Variants in SRBD1 observed in about 807,000 individuals in gnomAD.
SRBD1 encodes S1 RNA-binding domain-containing protein 1.
A neutral mutation model predicts 115.3 loss-of-function variants in SRBD1; 88 were observed. That is an observed-to-expected ratio of 0.76 (90% CI 0.64 to 0.91). SRBD1 has a LOEUF of 0.91. SRBD1 is among the 40% of genes least tolerant of loss of function. SRBD1 has a pLI of 0.00. For synonymous variants in SRBD1, 509 were observed against 407.7 expected (o/e 1.25, Z -2.99); for missense variants, 1,385 against 1,177.4 (o/e 1.18, Z -2.58).
chr2:45,543,937 T>A (rs1286310877), intron 14 of SRBD1, among the ~76,000 whole-genome samples: 1 of 151,976 alleles, frequency 6.6e-6, no homozygotes, highest in Admixed American at 6.6e-5. Context: ...AAGACTACCA[T>A]CCAAAGCAAG....
chr2:45,447,505 G>A (rs1668862760), intron 16 of SRBD1: 2 of 152,108 alleles, frequency 1.3e-5, no homozygotes, highest in African/African-American at 4.8e-5. Context: ...GATACAAAGA[G>A]TTAAGTGATT....
chr2:45,412,204 T>C (rs1476800404), intron 19 of SRBD1, among the ~76,000 whole-genome samples: 5 of 152,182 alleles, frequency 3.3e-5, no homozygotes, highest in African/African-American at 4.8e-5. Context: ...AATGATAACA[T>C]CTAGGTGTGG....
intron 11 of SRBD1, 148 bp downstream of exon 11, chr2:45,553,475 A>C (rs1266839124): frequency 5.0e-6 from 2 of 401,868 alleles, no homozygotes; most frequent in Non-Finnish European, 8.9e-6. Flanking sequence ...TACAGATTGA[A>C]ATCAAGCCTT....
Position 45,556,448 on chromosome 2 carries a change from C to CTTTTTTTTTTT in SRBD1, c.1410-2729_1410-2719dup, listed in dbSNP as rs59284495. On this transcript the variant is annotated intron_variant, in intron 10 of 20. Transcript: ENST00000263736. ...ATCTGTTCTGCTCTATGCTCTATTA[C>CTTTTTTTTTTT]TTTTTTTTTTTTTTTTTTTTTTTTT... is the stretch of plus-strand genomic sequence containing the variant. Among the ~76,000 whole-genome samples the CTTTTTTTTTTT allele has an allele frequency of 6.3e-5, 5 of 78,832 alleles. 1 individual carries two copies. The highest frequency in any genetic ancestry group is 1.1e-4 in the Non-Finnish European group (5 of 44,622). 51.7% of individuals were successfully genotyped at this position (78,832 alleles called of 152,430 possible).
intron 16 of SRBD1, among the ~76,000 whole-genome samples, chr2:45,431,912 T>C (rs1247014632): frequency 6.6e-6 from 1 of 152,222 alleles, no homozygotes; most frequent in Non-Finnish European, 1.5e-5. Context: ...TAGAAACTTC[T>C]GTAAACGCTG....
At chr2:45,524,850 A>T (rs72616995) in intron 14 of SRBD1, among the ~76,000 whole-genome samples, 63 of 152,182 alleles carry the variant, frequency 4.1e-4, no homozygotes, top group African/African-American at 1.5e-3. Flanking sequence ...AATCTGAGAA[A>T]AAACAAAGTA....
intron 14 of SRBD1, among the ~76,000 whole-genome samples, chr2:45,493,971 G>C (rs77482856): frequency 0.034 from 5,103 of 152,044 alleles, 292 homozygotes; most frequent in African/African-American, 0.12. Context: ...CATTCTCTCT[G>C]AACTAGCTAT....
intron 14 of SRBD1, among the ~76,000 whole-genome samples, chr2:45,521,161 A>C (rs1265338622): frequency 1.3e-5 from 2 of 152,040 alleles, no homozygotes; most frequent in Non-Finnish European, 2.9e-5. Flanking sequence ...GAGTCAGGGA[A>C]GTCTCCCGTT....
chr2:45,512,274 A>C (rs1204982955), intron 14 of SRBD1, among the ~76,000 whole-genome samples: 1 of 152,174 alleles, frequency 6.6e-6, no homozygotes. Flanking sequence ...TTACCTATAG[A>C]CCATACTTCC....
chr2:45,454,897 G>T (rs1316016227), intron 16 of SRBD1, among the ~76,000 whole-genome samples: 86 of 151,896 alleles, frequency 5.7e-4, no homozygotes, highest in Admixed American at 5.5e-3. Flanking sequence ...AAAGTAAGAA[G>T]TAAAAAATTT....
At chr2:45,553,435 A>G (rs1011176438) in intron 11 of SRBD1, among the ~76,000 whole-genome samples, 188 bp downstream of exon 11, 2 of 152,212 alleles carry the variant, frequency 1.3e-5, no homozygotes, top group African/African-American at 4.8e-5. Context: ...ATTAAGAACT[A>G]TTTTTATGAT....
chr2:45,431,225 T>A (rs1247860038), intron 16 of SRBD1, among the ~76,000 whole-genome samples: 1 of 152,170 alleles, frequency 6.6e-6, no homozygotes, highest in Non-Finnish European at 1.5e-5. Context: ...GTTCAACCAT[T>A]GTGGAAGACA....
chr2:45,451,815 C>A (rs1377965929), intron 16 of SRBD1, among the ~76,000 whole-genome samples: 1 of 151,264 alleles, frequency 6.6e-6, no homozygotes, highest in Non-Finnish European at 1.5e-5. Flanking sequence ...TCTGTCTGGG[C>A]AGTAGAGATA....
chr2:45,574,745 G>A (rs748976755), intron 7 of SRBD1, 22 bp from the exon 8 acceptor site: 4 of 1,579,464 alleles, frequency 2.5e-6, no homozygotes, highest in Admixed American at 2.0e-5. Flanking sequence ...GGGTAAAAAG[G>A]AAAACAAAAA....
At chr2:45,489,889 T>C (rs1670241621) in intron 14 of SRBD1, among the ~76,000 whole-genome samples, 2 of 152,108 alleles carry the variant, frequency 1.3e-5, no homozygotes, top group Non-Finnish European at 2.9e-5. Context: ...CAACGCAACA[T>C]ATTTTTCTAA....
At position 45,468,293 on chromosome 2, in the gene SRBD1, TCA is replaced by T. The variant is rs1210748586; in HGVS notation, c.2049+8698_2049+8699del. On this transcript the variant is annotated intron_variant, in intron 16 of 20. Coordinates refer to ENST00000263736, the MANE Select transcript of SRBD1 (RefSeq NM_018079.5). ...CATTTTCACTGCTCTATCTGTTCTT[TCA>T]CAGTCTTGACTTTACTAGTGTATCT... Among the ~76,000 whole-genome samples, 6 of 152,292 alleles carry T rather than the reference TCA, an allele frequency of 3.9e-5. No individual in the cohort carries two copies. The South Asian group carries it at 6.2e-4, about 16-fold the overall frequency.
intron 9 of SRBD1, chr2:45,569,208 G>A (rs1165800500): frequency 6.6e-6 from 1 of 152,110 alleles, no homozygotes; most frequent in Non-Finnish European, 1.5e-5. Flanking sequence ...AAGAGGCAGG[G>A]TCCCACTGTT....
At chr2:45,429,441 C>T (rs979663818) in intron 16 of SRBD1, among the ~76,000 whole-genome samples, 1 of 151,904 alleles carries the variant, frequency 6.6e-6, no homozygotes, top group African/African-American at 2.4e-5. Flanking sequence ...AAAAGCTTAT[C>T]CACCGAGATC....
At chr2:45,551,978 C>A (rs1014133315) in intron 11 of SRBD1, among the ~76,000 whole-genome samples, 1 of 151,940 alleles carries the variant, frequency 6.6e-6, no homozygotes, top group African/African-American at 2.4e-5. Flanking sequence ...ATGATGATGT[C>A]CTGAATTAAG....
Sources: allele counts gnomAD v4.1 joint callset (sites outside exome capture counted in the v4.1 genomes callset), GRCh38; gene constraint gnomAD v4.1.1; transcripts MANE v1.5; gene names NCBI Gene and HGNC (gene_info 2026-07-23, HGNC 2026-07-21).